NT5C2: variants seen among roughly 807,000 people sequenced by gnomAD.
The protein encoded by NT5C2 is cytosolic purine 5'-nucleotidase.
A neutral mutation model predicts 76.1 loss-of-function variants in NT5C2; 58 were observed. That is an observed-to-expected ratio of 0.76 (90% confidence interval 0.62 to 0.95). The LOEUF is 0.95. Among genes scored for constraint, NT5C2 ranks in the 40% least tolerant of loss-of-function variants. NT5C2 has a pLI of 0.00. For synonymous variants in NT5C2, 229 were observed against 237.4 expected (o/e 0.96, Z 0.32); for missense variants, 478 against 690.3 (o/e 0.69, Z 3.45).
At chr10:103,099,158 G>A (rs943299991) in intron 9 of NT5C2, among the ~76,000 whole-genome samples, 174 bp from the exon 10 acceptor site, 3 of 151,992 alleles carry the variant, frequency 2.0e-5, no homozygotes, top group South Asian at 2.1e-4. Context: ...CTGCAGCCTC[G>A]ACCTCCCCAG....
chr10:103,099,067 A>C (rs181361225), intron 9 of NT5C2, 83 bp from the exon 10 acceptor site: 4 of 1,021,092 alleles, frequency 3.9e-6, no homozygotes, highest in Non-Finnish European at 5.9e-6. Flanking sequence ...GGTTTTTACT[A>C]ATCAACCCAA....
At position 103,173,788 on chromosome 10, in the gene NT5C2, T is replaced by TA. The variant is rs1211605672; in HGVS notation, c.101+1069dup. Among the ~76,000 whole-genome samples the TA allele has an allele frequency of 2.1e-5, 3 of 142,496 alleles. No homozygotes were observed. The South Asian group carries it at 6.7e-4, about 32-fold the overall frequency. 93.5% of individuals were successfully genotyped at this position (142,496 alleles called of 152,430 possible). On this transcript the variant is annotated intron_variant, in intron 3 of 18. Transcript: ENST00000404739. ...AAAAAAAAAAAAATAAGTAAATAAA[T>TA]AAAAAATACAAGAATTTCATTCCTG...
At chr10:103,129,889 A>G (rs1247446232) in intron 4 of NT5C2, among the ~76,000 whole-genome samples, 114 of 65,094 alleles carry the variant, frequency 1.8e-3, no homozygotes, top group Middle Eastern at 0.017. Context: ...TGGGGGTGTC[A>G]GCCCCCCGCC....
At chr10:103,104,073 T>C (rs2070523845) in intron 6 of NT5C2, among the ~76,000 whole-genome samples, 1 of 152,192 alleles carries the variant, frequency 6.6e-6, no homozygotes, top group Non-Finnish European at 1.5e-5. Flanking sequence ...GCTGGTCTCC[T>C]AGGCTCAAGA....
intron 2 of NT5C2, among the ~76,000 whole-genome samples, chr10:103,176,632 A>G (rs192371867): frequency 6.6e-6 from 1 of 152,252 alleles, no homozygotes; most frequent in African/African-American, 2.4e-5. Context: ...CCCAGGCTCA[A>G]GCCATCTTCC....
At chr10:103,160,608 A>G (rs1308953085) in intron 3 of NT5C2, among the ~76,000 whole-genome samples, 2 of 152,212 alleles carry the variant, frequency 1.3e-5, no homozygotes, top group East Asian at 1.9e-4. Context: ...ACACTTCACA[A>G]AAGATACACA....
chr10:103,115,351 G>C (rs964675621), intron 4 of NT5C2, among the ~76,000 whole-genome samples: 5 of 152,222 alleles, frequency 3.3e-5, no homozygotes, highest in Admixed American at 2.6e-4. Flanking sequence ...GCAGTGAGTC[G>C]AGATTGTGCC....
chr10:103,153,769 T>A, intron 3 of NT5C2: 1 of 979,372 alleles, frequency 1.0e-6, no homozygotes, highest in Non-Finnish European at 1.2e-6. Flanking sequence ...AAACACAGGA[T>A]AAATAATTTT....
intron 18 of NT5C2, chr10:103,090,204 T>A: frequency 8.3e-6 from 3 of 361,118 alleles, no homozygotes; most frequent in Non-Finnish European, 1.5e-5. Context: ...CAGATCAGAA[T>A]AAAGGAATGT....
intron 4 of NT5C2, among the ~76,000 whole-genome samples, chr10:103,118,976 C>A (rs1468438206): frequency 6.6e-6 from 1 of 152,032 alleles, no homozygotes; most frequent in Non-Finnish European, 1.5e-5. Flanking sequence ...ATCATGAATG[C>A]ATTTTTAAGA....
At chr10:103,122,046 C>T (rs1039489995) in intron 4 of NT5C2, among the ~76,000 whole-genome samples, 6 of 151,968 alleles carry the variant, frequency 3.9e-5, no homozygotes, top group Admixed American at 2.6e-4. Context: ...TGGTGGCAGA[C>T]GCCTGTAATC....
intron 3 of NT5C2, among the ~76,000 whole-genome samples, chr10:103,168,297 T>C (rs1283034252): frequency 1.3e-5 from 2 of 152,180 alleles, no homozygotes; most frequent in African/African-American, 4.8e-5. Flanking sequence ...ATAAGCTGTG[T>C]TCACAAAGAA....
At chr10:103,183,369 T>C (rs1199744115) in intron 1 of NT5C2, among the ~76,000 whole-genome samples, 1 of 141,710 alleles carries the variant, frequency 7.1e-6, no homozygotes, top group African/African-American at 2.6e-5. Context: ...TATCCCTCCT[T>C]CTTGGAATTA....
chr10:103,153,766 G>C, intron 3 of NT5C2: 1 of 980,110 alleles, frequency 1.0e-6, no homozygotes, highest in Non-Finnish European at 1.2e-6. Context: ...AAAAAACACA[G>C]GATAAATAAT....
intron 4 of NT5C2, among the ~76,000 whole-genome samples, chr10:103,128,348 G>C (rs1438267851): frequency 6.9e-6 from 1 of 144,654 alleles, no homozygotes; most frequent in Non-Finnish European, 1.5e-5. Flanking sequence ...GATTGCAGAC[G>C]GAGTCTCCTT....
intron 6 of NT5C2, among the ~76,000 whole-genome samples, chr10:103,104,380 T>C (rs2070633670): frequency 6.6e-6 from 1 of 152,172 alleles, no homozygotes; most frequent in African/African-American, 2.4e-5. Flanking sequence ...TGCCTACCCC[T>C]CCCTTATAAT....
chr10:103,178,416 G>A (rs942852263), intron 2 of NT5C2, among the ~76,000 whole-genome samples: 3 of 152,088 alleles, frequency 2.0e-5, no homozygotes, highest in East Asian at 1.9e-4. Context: ...ATGGTGGTCC[G>A]TATCTGTAGT....
intron 4 of NT5C2, among the ~76,000 whole-genome samples, chr10:103,124,008 C>T (rs2135783650): frequency 6.6e-6 from 1 of 152,288 alleles, no homozygotes; most frequent in Non-Finnish European, 1.5e-5. Flanking sequence ...CATTATGTTG[C>T]TCTAGTCTTC....
chr10:103,166,451 G>A (rs1210877047), intron 3 of NT5C2, among the ~76,000 whole-genome samples: 1 of 152,148 alleles, frequency 6.6e-6, no homozygotes, highest in Non-Finnish European at 1.5e-5. Context: ...CAAAGCTGTT[G>A]CACGTATCAA....
Sources: gnomAD v4.1 joint callset for allele counts (sites outside exome capture counted in the v4.1 genomes callset) on GRCh38, gnomAD v4.1.1 for gene constraint, MANE v1.5 for transcripts, NCBI Gene and HGNC (gene_info 2026-07-23, HGNC 2026-07-21) for gene names.